Variants in TSGA10 observed in about 807,000 individuals in gnomAD.
The protein encoded by TSGA10 is testis-specific gene 10 protein.
In TSGA10, 43 loss-of-function variants were observed where a neutral mutation model predicts 96.6. That is an observed-to-expected ratio of 0.44 (90% CI 0.35 to 0.57). The LOEUF (loss-of-function observed/expected upper bound fraction) is 0.57. Among genes scored for constraint, TSGA10 ranks in the 20% least tolerant of loss-of-function variants. The pLI is 0.01. For missense variants in TSGA10, 703 were observed against 834.4 expected (o/e 0.84, Z 1.94); for synonymous variants, 229 against 269.9 (o/e 0.85, Z 1.48).
chr2:99,074,001 T>A (rs1307448859), intron 12 of TSGA10, among the ~76,000 whole-genome samples: 4 of 78,310 alleles, frequency 5.1e-5, no homozygotes, highest in Non-Finnish European at 9.6e-5. Flanking sequence ...GTTTCTTTTC[T>A]TTTTTTTTTT....
At chr2:99,135,347 C>T (rs1381048571) in intron 1 of TSGA10, among the ~76,000 whole-genome samples, 3 of 152,214 alleles carry the variant, frequency 2.0e-5, no homozygotes, top group African/African-American at 7.2e-5. Flanking sequence ...TGAGCTCCAC[C>T]CAGTTCGAAC....
Position 99,108,897 on chromosome 2 carries a change from T to C in TSGA10, c.146A>G (p.Glu49Gly), listed in dbSNP as rs769085390. The change falls in exon 7 of 21, where the codon GAA becomes GGA. Residue 49 changes from glutamate (E) to glycine (G), a missense_variant. Coordinates refer to ENST00000393483, the MANE Select transcript of TSGA10 (RefSeq NM_025244.4). ...MLEKYERHLA[E>G]IQGNVKVLKS... ...AAGAACCTTGACATTACCCTGAATT[T>C]CTGCCAAATGGCGCTCATATTTTTC... 8 of 1,607,734 alleles carry C rather than the reference T, an allele frequency of 5.0e-6. No homozygotes were observed. Among genetic ancestry groups the C allele is most frequent in the Non-Finnish European group, 2.5e-6 (3 of 1,178,220 alleles).
At chr2:99,079,437 C>T (rs981852726) in intron 11 of TSGA10, among the ~76,000 whole-genome samples, 1 of 152,200 alleles carries the variant, frequency 6.6e-6, no homozygotes, top group African/African-American at 2.4e-5. Context: ...TGTGGTTTCT[C>T]AACCAGCACC....
At chr2:99,066,971 T>C (rs887199189) in intron 15 of TSGA10, among the ~76,000 whole-genome samples, 1 of 152,258 alleles carries the variant, frequency 6.6e-6, no homozygotes, top group Non-Finnish European at 1.5e-5. Context: ...TGGTTTATTC[T>C]TGACGTTTCC....
At chr2:99,027,975 T>C (rs2080784500) in intron 17 of TSGA10, among the ~76,000 whole-genome samples, 1 of 152,232 alleles carries the variant, frequency 6.6e-6, no homozygotes. Context: ...GGATTGTTTC[T>C]ATGATGTCTG....
intron 16 of TSGA10, among the ~76,000 whole-genome samples, chr2:99,064,279 G>A (rs2085016865): frequency 6.6e-6 from 1 of 152,146 alleles, no homozygotes; most frequent in Non-Finnish European, 1.5e-5. Context: ...ATTTTAAAAA[G>A]GGAATATTTA....
intron 20 of TSGA10, among the ~76,000 whole-genome samples, chr2:98,998,541 C>T (rs548145416): frequency 6.6e-5 from 10 of 152,052 alleles, no homozygotes; most frequent in Admixed American, 5.2e-4. Flanking sequence ...ATAGAGATGG[C>T]GAAGAAAGTA....
chr2:99,043,504 T>G (rs1016174107), intron 16 of TSGA10, among the ~76,000 whole-genome samples: 2 of 152,208 alleles, frequency 1.3e-5, no homozygotes, highest in Non-Finnish European at 2.9e-5. Context: ...TTCATAAATT[T>G]CAAGGAAAAT....
intron 14 of TSGA10, among the ~76,000 whole-genome samples, chr2:99,070,962 C>T (rs2085896733): frequency 6.6e-6 from 1 of 152,012 alleles, no homozygotes; most frequent in Non-Finnish European, 1.5e-5. Context: ...TCCAGGATCC[C>T]ATTATTCATT....
Position 99,137,766 on chromosome 2 carries a change from T to C in TSGA10, c.-620-10590A>G, listed in dbSNP as rs571119448. Among the ~76,000 whole-genome samples, 69 of 151,814 alleles carry C rather than the reference T, an allele frequency of 4.5e-4. No individual in the cohort carries two copies. The Middle Eastern group carries it at 0.014, about 30-fold the overall frequency. ...GGTAACAAAAATATAGAGAAGTGGA[T>C]GGATTTAGGATATATATTTGAACCA... On this transcript the variant is annotated intron_variant, in intron 1 of 20. Transcript: ENST00000393483.
intron 17 of TSGA10, among the ~76,000 whole-genome samples, chr2:99,034,667 G>A (rs1202451984): frequency 6.6e-6 from 1 of 151,970 alleles, no homozygotes; most frequent in African/African-American, 2.4e-5. Context: ...ATCTCCTTGT[G>A]TACTCCTCCC....
intron 20 of TSGA10, among the ~76,000 whole-genome samples, chr2:99,011,499 C>T (rs907792931): frequency 4.6e-5 from 7 of 152,040 alleles, no homozygotes; most frequent in Admixed American, 4.6e-4. Context: ...ATGAACAAAT[C>T]CTCCAAGAAA....
Position 99,154,873 on chromosome 2 carries a change from C to G in TSGA10, c.-801G>C, listed in dbSNP as rs1479692949. On this transcript the variant is annotated 5_prime_UTR_variant, in exon 1 of 21. Coordinates refer to ENST00000393483, the MANE Select transcript of TSGA10 (RefSeq NM_025244.4). ...GCGGGCTGCCGGGACCCCACGGCTC[C>G]GCAGGCGGAGAGACTAGGCGCGATC... 9.2e-5 allele frequency: 33 copies of G among 357,682 alleles called. No homozygotes were observed. Among genetic ancestry groups the G allele is most frequent in the Non-Finnish European group, 1.7e-4 (31 of 179,414 alleles). The allele number at this position is 357,682 out of a possible 1,614,324, so 22.2% of individuals were successfully genotyped here.
At chr2:99,129,092 G>A (rs529318424) in intron 1 of TSGA10, among the ~76,000 whole-genome samples, 1 of 152,138 alleles carries the variant, frequency 6.6e-6, no homozygotes, top group East Asian at 1.9e-4. Flanking sequence ...TGTTCAATGA[G>A]CCTTGCCCTC....
chr2:99,069,578 C>A (rs1291272070), intron 14 of TSGA10, among the ~76,000 whole-genome samples: 1 of 151,376 alleles, frequency 6.6e-6, no homozygotes, highest in African/African-American at 2.4e-5. Flanking sequence ...TTGGGAGGAT[C>A]ACTTGAGCCT....
At chr2:99,124,593 A>C (rs553942668) in intron 2 of TSGA10, among the ~76,000 whole-genome samples, 2 of 151,852 alleles carry the variant, frequency 1.3e-5, no homozygotes, top group Non-Finnish European at 2.9e-5. Context: ...TTATATATAT[A>C]TATTTTTTTG....
At chr2:99,113,788 C>A (rs1290136787) in intron 4 of TSGA10, among the ~76,000 whole-genome samples, 1 of 152,116 alleles carries the variant, frequency 6.6e-6, no homozygotes, top group African/African-American at 2.4e-5. Flanking sequence ...CTGAAGTGAT[C>A]TGCCTGCCTT....
At chr2:99,022,080 C>T (rs757027285) in intron 17 of TSGA10, among the ~76,000 whole-genome samples, 3 of 152,068 alleles carry the variant, frequency 2.0e-5, no homozygotes, top group Non-Finnish European at 2.9e-5. Flanking sequence ...AATCCCAGCA[C>T]TCTGGGAGGC....
chr2:99,131,919 T>C (rs540494492), intron 1 of TSGA10, among the ~76,000 whole-genome samples: 1 of 152,256 alleles, frequency 6.6e-6, no homozygotes, highest in East Asian at 1.9e-4. Context: ...AGATGGATTA[T>C]GTTTATTGAT....
Sources: allele counts gnomAD v4.1 joint callset (sites outside exome capture counted in the v4.1 genomes callset), GRCh38; gene constraint gnomAD v4.1.1; transcripts MANE v1.5; gene names NCBI Gene and HGNC (gene_info 2026-07-23, HGNC 2026-07-21).